WWOX: variants seen among roughly 807,000 people sequenced by gnomAD.
WWOX encodes the protein WW domain-containing oxidoreductase.
Under a neutral mutation model 46.2 loss-of-function variants are expected in WWOX, and 69 were observed. The observed-to-expected ratio is 1.49, with a 90% CI of 1.23 to 1.82. WWOX has a LOEUF of 1.82. Among genes scored for constraint, WWOX ranks in the 40% most tolerant of loss-of-function variants. WWOX has a pLI of 0.00. For missense variants in WWOX, 919 were observed against 542.6 expected (o/e 1.69, Z -6.89); for synonymous variants, 359 against 202.6 (o/e 1.77, Z -6.56).
intron 8 of WWOX, among the ~76,000 whole-genome samples, chr16:78,971,567 A>C (rs954532027): frequency 6.6e-6 from 1 of 152,240 alleles, no homozygotes; most frequent in Middle Eastern, 3.4e-3. Context: ...TGACGGGTCA[A>C]ATGGAGCAAA....
intron 8 of WWOX, among the ~76,000 whole-genome samples, chr16:79,177,863 C>A (rs573162166): frequency 1.1e-4 from 16 of 152,164 alleles, no homozygotes; most frequent in African/African-American, 3.4e-4. Context: ...ATAACAGATA[C>A]CATAAACTAG....
intron 8 of WWOX, among the ~76,000 whole-genome samples, chr16:79,044,385 A>G (rs1420914127): frequency 6.6e-6 from 1 of 152,006 alleles, no homozygotes; most frequent in East Asian, 1.9e-4. Flanking sequence ...ATGGGGGTGG[A>G]TTTCTCATGA....
intron 8 of WWOX, among the ~76,000 whole-genome samples, chr16:78,534,791 C>G (rs559773394): frequency 1.5e-4 from 23 of 152,066 alleles, no homozygotes; most frequent in Admixed American, 1.4e-3. Flanking sequence ...CTCACTGCAA[C>G]CTCCACCTCC....
intron 8 of WWOX, among the ~76,000 whole-genome samples, chr16:78,884,246 T>A (rs2044403905): frequency 7.1e-6 from 1 of 140,394 alleles, no homozygotes; most frequent in Non-Finnish European, 1.5e-5. Context: ...GCACTCCAGC[T>A]TGGGTGACAG....
intron 8 of WWOX, among the ~76,000 whole-genome samples, chr16:78,725,970 CCTCCTCCTTCTCCTT>C (rs960440049): frequency 6.7e-5 from 10 of 149,260 alleles, no homozygotes; most frequent in Admixed American, 2.0e-4. Flanking sequence ...CTTTTCTTCT[CCTCCTCCTTCTCCTT>C]CTCCTCCTTC....
chr16:79,116,254 G>C (rs1018216974), intron 8 of WWOX, among the ~76,000 whole-genome samples: 1 of 152,096 alleles, frequency 6.6e-6, no homozygotes, highest in Admixed American at 6.5e-5. Flanking sequence ...AATAAGACAA[G>C]GATAAAGCTT....
chr16:78,979,903 T>C (rs1018524391), intron 8 of WWOX, among the ~76,000 whole-genome samples: 14 of 152,158 alleles, frequency 9.2e-5, no homozygotes, highest in Non-Finnish European at 1.9e-4. Flanking sequence ...CCAAGGTGGG[T>C]GGATCACAAG....
intron 8 of WWOX, among the ~76,000 whole-genome samples, chr16:78,660,366 G>A (rs1442971789): frequency 2.6e-5 from 4 of 152,108 alleles, no homozygotes; most frequent in East Asian, 3.9e-4. Context: ...GTGGGCTTGG[G>A]GAAACAGAAG....
intron 4 of WWOX, among the ~76,000 whole-genome samples, chr16:78,128,731 A>G (rs760904766): frequency 2.8e-4 from 42 of 152,236 alleles, no homozygotes; most frequent in Non-Finnish European, 4.8e-4. Flanking sequence ...TGTGTCAGCC[A>G]CCATTGGCTA....
intron 8 of WWOX, among the ~76,000 whole-genome samples, chr16:78,742,433 T>C (rs2049251937): frequency 6.6e-6 from 1 of 152,176 alleles, no homozygotes; most frequent in Non-Finnish European, 1.5e-5. Flanking sequence ...ATGGAGATAA[T>C]AGTCAGCACC....
At chr16:78,927,206 C>T (rs1304457579) in intron 8 of WWOX, among the ~76,000 whole-genome samples, 4 of 152,166 alleles carry the variant, frequency 2.6e-5, no homozygotes, top group Admixed American at 6.5e-5. Flanking sequence ...ATGTGGTACT[C>T]GTGAGCAGGA....
At chr16:78,955,256 G>A (rs189479374) in intron 8 of WWOX, among the ~76,000 whole-genome samples, 1 of 152,294 alleles carries the variant, frequency 6.6e-6, no homozygotes, top group Admixed American at 6.5e-5. Context: ...CATCTTCACA[G>A]ATGGACCTCC....
intron 5 of WWOX, among the ~76,000 whole-genome samples, chr16:78,362,804 T>G (rs2081439571): frequency 6.6e-6 from 1 of 152,214 alleles, no homozygotes; most frequent in Non-Finnish European, 1.5e-5. Context: ...TTATCTTCTT[T>G]AATCATCTCA....
At chr16:78,334,095 A>T (rs1302029915) in intron 5 of WWOX, among the ~76,000 whole-genome samples, 1 of 152,208 alleles carries the variant, frequency 6.6e-6, no homozygotes, top group Non-Finnish European at 1.5e-5. Context: ...TGCAGATTTG[A>T]TTCCCCCTTT....
chr16:78,941,811 C>G (rs2045857462), intron 8 of WWOX, among the ~76,000 whole-genome samples: 1 of 152,108 alleles, frequency 6.6e-6, no homozygotes, highest in African/African-American at 2.4e-5. Context: ...TCATGTAAGT[C>G]AAGGATTGTG....
intron 8 of WWOX, among the ~76,000 whole-genome samples, chr16:78,558,580 C>T (rs1263999460): frequency 1.3e-5 from 2 of 152,224 alleles, no homozygotes; most frequent in Non-Finnish European, 2.9e-5. Context: ...TAGAAATGGC[C>T]TGGCCTCCTA....
At chr16:78,256,470 T>G (rs1460030109) in intron 5 of WWOX, among the ~76,000 whole-genome samples, 1 of 151,860 alleles carries the variant, frequency 6.6e-6, no homozygotes, top group Non-Finnish European at 1.5e-5. Context: ...ACTGGGTAGC[T>G]CAGTCCAGGA....
chr16:78,663,683 T>G (rs1442363259), intron 8 of WWOX, among the ~76,000 whole-genome samples: 1 of 152,196 alleles, frequency 6.6e-6, no homozygotes. Context: ...TCTGACATCA[T>G]TTAAATAAAA....
chr16:78,444,981 T>C (rs999079744), intron 8 of WWOX, among the ~76,000 whole-genome samples: 5 of 152,070 alleles, frequency 3.3e-5, no homozygotes, highest in African/African-American at 7.2e-5. Context: ...TTAAGCTCCA[T>C]AGTTCTTCTG....
Sources: gnomAD v4.1 joint callset for allele counts (sites outside exome capture counted in the v4.1 genomes callset) on GRCh38, gnomAD v4.1.1 for gene constraint, MANE v1.5 for transcripts, NCBI Gene and HGNC (gene_info 2026-07-23, HGNC 2026-07-21) for gene names.